XYLT1: variants seen among roughly 807,000 people sequenced by gnomAD.
XYLT1 encodes beta-D-xylosyltransferase 1.
A neutral mutation model predicts 91.3 loss-of-function variants in XYLT1; 36 were observed. The ratio of observed to expected loss-of-function variants is 0.39; its 90% CI spans 0.30 to 0.52. XYLT1 has a LOEUF of 0.52. XYLT1 is among the 20% of genes least tolerant of loss of function. The pLI is 0.68. For synonymous variants in XYLT1, 588 were observed against 532.0 expected (o/e 1.11, Z -1.45); for missense variants, 1,242 against 1,284.5 (o/e 0.97, Z 0.51).
chr16:17,304,516 T>G (rs1215608780), intron 2 of XYLT1, among the ~76,000 whole-genome samples: 1 of 152,224 alleles, frequency 6.6e-6, no homozygotes, highest in Non-Finnish European at 1.5e-5. Flanking sequence ...TTAAAGTGAT[T>G]GTAACATGTT....
chr16:17,149,390 A>T (rs2031226832), intron 6 of XYLT1, among the ~76,000 whole-genome samples: 2 of 151,550 alleles, frequency 1.3e-5, no homozygotes, highest in Admixed American at 1.3e-4. Flanking sequence ...AAATTAAAAA[A>T]AAAACAACCT....
chr16:17,371,582 G>A (rs1165279247), intron 1 of XYLT1, among the ~76,000 whole-genome samples: 1 of 152,216 alleles, frequency 6.6e-6, no homozygotes, highest in Non-Finnish European at 1.5e-5. Flanking sequence ...TAGCATATCT[G>A]ATGAGCTATG....
intron 1 of XYLT1, among the ~76,000 whole-genome samples, chr16:17,455,916 C>T (rs2036735453): frequency 6.6e-6 from 1 of 152,250 alleles, no homozygotes; most frequent in South Asian, 2.1e-4. Context: ...CATTTGATTT[C>T]CAGAGAATAC....
intron 3 of XYLT1, among the ~76,000 whole-genome samples, chr16:17,203,855 C>T (rs1015478258): frequency 1.3e-5 from 2 of 152,236 alleles, no homozygotes; most frequent in African/African-American, 4.8e-5. Flanking sequence ...GAGATTAACC[C>T]TTGCTTTTCC....
intron 5 of XYLT1, among the ~76,000 whole-genome samples, chr16:17,164,449 AACC>A: frequency 1.3e-5 from 2 of 152,134 alleles, no homozygotes; most frequent in South Asian, 4.1e-4. Flanking sequence ...ATTGTTGTGC[AACC>A]ATCACCAATA....
intron 1 of XYLT1, among the ~76,000 whole-genome samples, chr16:17,422,083 C>T (rs573383094): frequency 3.4e-4 from 51 of 151,712 alleles, no homozygotes; most frequent in South Asian, 1.0e-3. Flanking sequence ...CCCGGGTTCA[C>T]GCCATTCTCC....
At chr16:17,199,799 T>C (rs1597186616) in intron 4 of XYLT1, among the ~76,000 whole-genome samples, 1 of 152,178 alleles carries the variant, frequency 6.6e-6, no homozygotes, top group East Asian at 1.9e-4. Context: ...TAAACATCTT[T>C]CTTTATAAAT....
chr16:17,200,503 G>T lies in XYLT1; in HGVS notation c.1065C>A (p.Phe355Leu). 1 of 1,614,104 alleles carries T rather than the reference G, an allele frequency of 6.2e-7. No individual in the cohort carries two copies. The highest frequency in any genetic ancestry group is 8.5e-7 in the Non-Finnish European group (1 of 1,179,932). Residue 355 changes from phenylalanine to leucine, a missense_variant, in exon 4 of 12, where the codon TTC becomes TTA. Around this residue, in one of 3 missense-constraint regions of XYLT1, gnomAD observed 294 missense variants for 376.0 expected, o/e 0.78. Coordinates refer to ENST00000261381, the MANE Select transcript of XYLT1 (RefSeq NM_022166.4). ...MFKAIYHKDH[F>L]YYIHVDKRSN... is the part of the protein sequence containing the mutation. ...TCACCTTGTCCACGTGGATGTAGTAGAAGTGGTCTTTGTGGTAGATGGCCT... is the reference window on the plus strand; with the variant it reads ...TCACCTTGTCCACGTGGATGTAGTATAAGTGGTCTTTGTGGTAGATGGCCT...
intron 1 of XYLT1, among the ~76,000 whole-genome samples, chr16:17,465,566 G>C (rs1315062312): frequency 2.1e-5 from 3 of 144,996 alleles, no homozygotes; most frequent in East Asian, 2.1e-4. Context: ...TGGGGGGGGG[G>C]GGGGTGAGCA....
intron 3 of XYLT1, among the ~76,000 whole-genome samples, chr16:17,246,795 C>T (rs985039221): frequency 6.6e-6 from 1 of 152,202 alleles, no homozygotes; most frequent in Non-Finnish European, 1.5e-5. Flanking sequence ...TATGCTATAG[C>T]AGCCAGTCTC....
chr16:17,420,444 T>C (rs2036237078), intron 1 of XYLT1, among the ~76,000 whole-genome samples: 1 of 151,760 alleles, frequency 6.6e-6, no homozygotes, highest in South Asian at 2.1e-4. Context: ...CCTAAAAGAG[T>C]CCCAGGGTTA....
intron 2 of XYLT1, among the ~76,000 whole-genome samples, chr16:17,333,645 T>G (rs1371151853): frequency 6.6e-6 from 1 of 150,384 alleles, no homozygotes; most frequent in African/African-American, 2.5e-5. Flanking sequence ...TGGAGTGCAG[T>G]GGAGCCATCT....
At chr16:17,145,142 A>T (rs960687231) in intron 6 of XYLT1, among the ~76,000 whole-genome samples, 7 of 152,200 alleles carry the variant, frequency 4.6e-5, no homozygotes, top group African/African-American at 1.7e-4. Context: ...TTGTGTCTGC[A>T]TCTTTTGCTT....
At chr16:17,156,623 T>G (rs1294424245) in intron 6 of XYLT1, among the ~76,000 whole-genome samples, 1 of 152,182 alleles carries the variant, frequency 6.6e-6, no homozygotes, top group Non-Finnish European at 1.5e-5. Flanking sequence ...GGAGAATAAT[T>G]CTTACAGCTG....
Position 17,198,353 on chromosome 16 carries a change from A to G in XYLT1, c.1148T>C (p.Val383Ala), listed in dbSNP as rs746612043. Reference sequence around the variant, plus strand: ...GATGGTGGCCATTCTCCAGGGGGTGACGCGGACATTGCTGTACTGCCTGGA... The same window carrying G: ...GATGGTGGCCATTCTCCAGGGGGTGGCGCGGACATTGCTGTACTGCCTGGA... Reference protein sequence around the residue: ...QVSRQYSNVRVTPWRMATIWG... With the variant: ...QVSRQYSNVRATPWRMATIWG... Residue 383 changes from valine (V) to alanine (A), a missense_variant, in exon 5 of 12, where the codon GTC (valine) becomes GCC (alanine). Transcript: ENST00000261381. 1 of 1,614,216 alleles carries G rather than the reference A, an allele frequency of 6.2e-7. No individual in the cohort carries two copies. Among genetic ancestry groups the G allele is most frequent in the Non-Finnish European group, 8.5e-7 (1 of 1,180,034 alleles).
intron 5 of XYLT1, chr16:17,193,484 A>G (rs1018466635): frequency 6.6e-6 from 1 of 152,278 alleles, no homozygotes. Flanking sequence ...TGCATCTTTA[A>G]TATCTAAGAG....
At chr16:17,241,057 C>T (rs1034794061) in intron 3 of XYLT1, among the ~76,000 whole-genome samples, 5 of 152,202 alleles carry the variant, frequency 3.3e-5, no homozygotes, top group East Asian at 1.9e-4. Context: ...TCTGCCACCC[C>T]GGAGAGAAAC....
chr16:17,277,947 G>A (rs1175230871), intron 2 of XYLT1, among the ~76,000 whole-genome samples: 1 of 152,132 alleles, frequency 6.6e-6, no homozygotes, highest in East Asian at 1.9e-4. Flanking sequence ...GAGAGTTTTG[G>A]AAGTGAGAGG....
chr16:17,123,708 A>G (rs759984070), intron 10 of XYLT1, among the ~76,000 whole-genome samples: 4 of 152,182 alleles, frequency 2.6e-5, no homozygotes, highest in Admixed American at 6.6e-5. Flanking sequence ...AGGGTATAGC[A>G]TAAGTCCATT....
Sources: gnomAD v4.1 joint callset for allele counts (sites outside exome capture counted in the v4.1 genomes callset) on GRCh38, gnomAD v4.1.1 for gene constraint, gnomAD v4.1.1 regional missense constraint, MANE v1.5 for transcripts, NCBI Gene and HGNC (gene_info 2026-07-23, HGNC 2026-07-21) for gene names.